The following ADAMTS18 variants were observed in gnomAD, a reference collection of about 807,000 sequenced individuals.
The protein encoded by ADAMTS18 is A disintegrin and metalloproteinase with thrombospondin motifs 18.
ADAMTS18 carries 157 observed loss-of-function variants against 165.9 expected under a neutral mutation model. The ratio of observed to expected loss-of-function variants is 0.95; its 90% CI spans 0.83 to 1.08. The LOEUF (loss-of-function observed/expected upper bound fraction) is 1.08. Among genes scored for constraint, ADAMTS18 ranks in the 50% least tolerant of loss-of-function variants. ADAMTS18 has a pLI of 0.00. For synonymous variants in ADAMTS18, 782 were observed against 578.2 expected, an observed-to-expected ratio of 1.35 and a Z score of -5.06; for missense variants, 2,040 against 1,534.0, an observed-to-expected ratio of 1.33 and a Z score of -5.51.
chr16:77,396,869 C>A (rs2057264310), intron 3 of ADAMTS18, among the ~76,000 whole-genome samples: 1 of 151,352 alleles, frequency 6.6e-6, no homozygotes, highest in Non-Finnish European at 1.5e-5. Context: ...TGCAGTGGCA[C>A]AATCTTGGCT....
chr16:77,357,017 AGAG>A (rs2056641846), intron 8 of ADAMTS18, among the ~76,000 whole-genome samples: 1 of 148,214 alleles, frequency 6.7e-6, no homozygotes, highest in South Asian at 2.1e-4. Flanking sequence ...TTAGGGATGC[AGAG>A]GACGGAAGGA....
chr16:77,323,441 T>C (rs1350728567), intron 13 of ADAMTS18, among the ~76,000 whole-genome samples: 9 of 152,224 alleles, frequency 5.9e-5, no homozygotes, highest in Non-Finnish European at 1.2e-4. Flanking sequence ...ATAATTTTTT[T>C]TAATAGCAGC....
chr16:77,407,132 C>A (rs1423133035), intron 3 of ADAMTS18, among the ~76,000 whole-genome samples: 1 of 151,988 alleles, frequency 6.6e-6, no homozygotes, highest in East Asian at 1.9e-4. Flanking sequence ...TAAACTTCTA[C>A]AATTGATAAG....
intron 6 of ADAMTS18, among the ~76,000 whole-genome samples, 154 bp downstream of exon 6, chr16:77,363,648 C>T (rs1156992876): frequency 2.6e-5 from 4 of 151,796 alleles, no homozygotes; most frequent in South Asian, 2.1e-4. Context: ...TGTGATTACA[C>T]AATCTTTTAA....
At chr16:77,299,786 T>C (rs1192656417) in intron 17 of ADAMTS18, among the ~76,000 whole-genome samples, 1 of 152,204 alleles carries the variant, frequency 6.6e-6, no homozygotes, top group Non-Finnish European at 1.5e-5. Context: ...GAGAGAACCT[T>C]TGCTGACCTT....
At chr16:77,364,095 G>T (rs570992965) in intron 5 of ADAMTS18, 93 bp downstream of exon 5, 3 of 1,512,874 alleles carry the variant, frequency 2.0e-6, no homozygotes, top group South Asian at 1.1e-5. Flanking sequence ...CATTTGCACC[G>T]ACCTAATACA....
intron 16 of ADAMTS18, among the ~76,000 whole-genome samples, chr16:77,314,771 TATATATATATATATAAAA>T (rs1297646908): frequency 2.5e-5 from 2 of 81,526 alleles, no homozygotes; most frequent in African/African-American, 9.4e-5. Context: ...TATATATATA[TATATATATATATATAAAA>T]TATATGTGAT....
chr16:77,340,388 T>C (rs1440326608), intron 11 of ADAMTS18, among the ~76,000 whole-genome samples: 1 of 152,112 alleles, frequency 6.6e-6, no homozygotes, highest in African/African-American at 2.4e-5. Flanking sequence ...TTGGCCAGGC[T>C]AGTCTTGAAC....
intron 19 of ADAMTS18, 81 bp downstream of exon 19, chr16:77,294,842 A>G (rs1471014043): frequency 4.7e-5 from 63 of 1,331,444 alleles, no homozygotes; most frequent in Non-Finnish European, 6.6e-5. Flanking sequence ...AACTGCCAAG[A>G]GCCCAGTGGA....
rs569904493 is a variant in ADAMTS18 at position 77,318,387 on chromosome 16, C to G, written c.2532+1462G>C. Among the ~76,000 whole-genome samples, 9 of 152,242 alleles carry G rather than the reference C, an allele frequency of 5.9e-5. No homozygotes were observed. In the South Asian group the frequency reaches 1.7e-3, roughly 28 times the overall value. Reference sequence around the variant, plus strand: ...GTGCTATATTAAGATAATGGTGTGGCCAAGTGAGCCAGGAAGACTTACGTT... The same window carrying G: ...GTGCTATATTAAGATAATGGTGTGGGCAAGTGAGCCAGGAAGACTTACGTT... On this transcript the variant is annotated intron_variant, in intron 16 of 22. Transcript: ENST00000282849.
At chr16:77,414,971 A>G (rs960080719) in intron 3 of ADAMTS18, among the ~76,000 whole-genome samples, 2 of 152,238 alleles carry the variant, frequency 1.3e-5, no homozygotes, top group African/African-American at 2.4e-5. Flanking sequence ...TTACTACTTT[A>G]AAAGCATCTG....
chr16:77,295,213 A>T, intron 18 of ADAMTS18, 86 bp from the exon 19 acceptor site: 1 of 1,361,612 alleles, frequency 7.3e-7, no homozygotes, highest in South Asian at 1.2e-5. Flanking sequence ...TAAACCACCT[A>T]TGGAAGCCAT....
At chr16:77,401,637 T>C (rs1199830138) in intron 3 of ADAMTS18, among the ~76,000 whole-genome samples, 1 of 152,188 alleles carries the variant, frequency 6.6e-6, no homozygotes, top group African/African-American at 2.4e-5. Context: ...GATTCTCAGA[T>C]AGCTGGTAAA....
intron 10 of ADAMTS18, among the ~76,000 whole-genome samples, chr16:77,346,863 G>T (rs1387195144): frequency 1.3e-5 from 2 of 152,134 alleles, no homozygotes; most frequent in Non-Finnish European, 2.9e-5. Flanking sequence ...TAAGTGTACT[G>T]TTCCATGCAT....
chr16:77,287,661 G>T (rs370963835), intron 22 of ADAMTS18, among the ~76,000 whole-genome samples: 3 of 152,032 alleles, frequency 2.0e-5, no homozygotes, highest in African/African-American at 7.2e-5. Flanking sequence ...TAGTAGAGAC[G>T]GGGTTTCACC....
At chr16:77,401,524 G>A (rs1478884586) in intron 3 of ADAMTS18, among the ~76,000 whole-genome samples, 1 of 152,186 alleles carries the variant, frequency 6.6e-6, no homozygotes, top group Non-Finnish European at 1.5e-5. Context: ...TGGAATTCTG[G>A]CTGCAGAGCC....
Position 77,289,389 on chromosome 16 carries a change from C to T in ADAMTS18, c.3425G>A (p.Gly1142Glu). 6.2e-7 allele frequency: 1 copy of T among 1,614,002 alleles called. No homozygotes were observed. Among genetic ancestry groups the T allele is most frequent in the Non-Finnish European group, 8.5e-7 (1 of 1,179,984 alleles). ...WQQCTVTCGG[G>E]VQTRSVHCVQ... Reference sequence around the variant, plus strand: ...ACAGTGGACTGACCGGGTCTGGACCCCTCCCCCACAGGTGACTGTGCACTG... The same window carrying T: ...ACAGTGGACTGACCGGGTCTGGACCTCTCCCCCACAGGTGACTGTGCACTG... Residue 1142 changes from glycine (G) to glutamate (E), a missense_variant, in exon 22 of 23, where the codon GGG (glycine) becomes GAG (glutamate). Gly to Glu is a moderately conservative substitution (Grantham distance 98). Coordinates refer to ENST00000282849, the MANE Select transcript of ADAMTS18 (RefSeq NM_199355.4).
At chr16:77,292,249 G>A (rs2055378060) in intron 20 of ADAMTS18, among the ~76,000 whole-genome samples, 2 of 152,188 alleles carry the variant, frequency 1.3e-5, no homozygotes, top group Non-Finnish European at 2.9e-5. Context: ...AGTGAGCTGA[G>A]ATTTTGCCAC....
chr16:77,326,162 C>G, intron 12 of ADAMTS18, 124 bp from the exon 13 acceptor site: 5 of 915,438 alleles, frequency 5.5e-6, no homozygotes, highest in East Asian at 2.6e-5. Flanking sequence ...GGCATACAGT[C>G]TATTACAGGA....
Sources: gnomAD v4.1 joint callset for allele counts (sites outside exome capture counted in the v4.1 genomes callset) on GRCh38, gnomAD v4.1.1 for gene constraint, MANE v1.5 for transcripts, NCBI Gene and HGNC (gene_info 2026-07-23, HGNC 2026-07-21) for gene names.